Variants in C1QL3 observed in about 807,000 individuals in gnomAD.
C1QL3 encodes complement C1q like 3, also known as complement C1q-like protein 3.
A neutral mutation model predicts 16.6 loss-of-function variants in C1QL3; 4 were observed. The ratio of observed to expected loss-of-function variants is 0.24; its 90% confidence interval spans 0.12 to 0.55. The LOEUF is 0.55. Among genes scored for constraint, C1QL3 ranks in the 20% least tolerant of loss-of-function variants. The pLI is 0.94. For synonymous variants in C1QL3, 189 were observed against 160.2 expected, an observed-to-expected ratio of 1.18 and a Z score of -1.36; for missense variants, 269 against 365.6, an observed-to-expected ratio of 0.74 and a Z score of 2.16.
At chr10:16,519,451 C>T (rs1837004396) in intron 1 of C1QL3, among the ~76,000 whole-genome samples, 1 of 151,970 alleles carries the variant, frequency 6.6e-6, no homozygotes, top group Non-Finnish European at 1.5e-5. Flanking sequence ...TCAGTGGCTA[C>T]TGATTCAGCG....
At position 16,520,059 on chromosome 10, in the gene C1QL3, G is replaced by A. The variant is rs1588642155; in HGVS notation, c.588+419C>T. 2.0e-5 allele frequency among the ~76,000 whole-genome samples: 3 copies of A among 151,842 alleles called. No individual in the cohort carries two copies. On this transcript the variant is annotated intron_variant, in intron 1 of 1. Transcript: ENST00000298943. This position sits in a 1 kb window ranked among gnomAD's most constrained non-coding sequence, Gnocchi z 8.3. The stretch of plus-strand genomic sequence containing the variant: ...ACCCCCGAGTCGGTCACCCTGCCAC[G>A]CCCATTCCGGACTCCCCCAGGCCTC...
chr10:16,517,818 G>C (rs145813448), intron 1 of C1QL3, among the ~76,000 whole-genome samples: 1 of 152,148 alleles, frequency 6.6e-6, no homozygotes, highest in Non-Finnish European at 1.5e-5. Flanking sequence ...TGATGTTCTC[G>C]TAATTTCATT....
Position 16,513,957 on chromosome 10 carries a change from GA to G in C1QL3, c.*570del, listed in dbSNP as rs1836907612. On this transcript the variant is annotated 3_prime_UTR_variant, in exon 2 of 2. Transcript: ENST00000298943. ...AGGCTTGGGAATTCCCTCAAATCCA[GA>G]AAATTCCAGGTTAAGGCTTGAAGTT... The G allele has an allele frequency of 9.8e-6, 2 of 204,308 alleles. No individual in the cohort carries two copies. The highest frequency in any genetic ancestry group is 2.2e-4 in the East Asian group (2 of 9,208). The allele number at this position is 204,308 out of a possible 1,614,324, so 12.7% of individuals were successfully genotyped here.
Position 16,520,940 on chromosome 10 carries a change from G to A in C1QL3, c.126C>T (p.Ser42=). ...CDPYGGTKAP[S]TAATPDRGLM... ...GGCCGCGGTCGGGCGTGGCAGCGGT[G>A]CTGGGCGCCTTGGTGCCCCCGTAGG... is the stretch of plus-strand genomic sequence containing the variant. The change falls in exon 1 of 2, where the codon AGC becomes AGT. Residue 42 remains serine, a synonymous_variant. Coordinates refer to ENST00000298943, the MANE Select transcript of C1QL3 (RefSeq NM_001010908.2). This position sits in a 1 kb window ranked among gnomAD's most constrained non-coding sequence, Gnocchi z 8.3. 1 of 1,571,684 alleles carries A rather than the reference G, an allele frequency of 6.4e-7. No individual in the cohort carries two copies. Among genetic ancestry groups the A allele is most frequent in the Non-Finnish European group, 8.6e-7 (1 of 1,167,262 alleles).
chr10:16,518,437 T>C (rs12217763), intron 1 of C1QL3, among the ~76,000 whole-genome samples: 12,967 of 152,260 alleles, frequency 0.085, 630 homozygotes, highest in East Asian at 0.23. Flanking sequence ...TCAGCTGTTT[T>C]ACCTTACTAT....
intron 1 of C1QL3, among the ~76,000 whole-genome samples, chr10:16,518,691 T>G (rs1836989744): frequency 6.6e-6 from 1 of 152,234 alleles, no homozygotes. Context: ...GATGTGAGCA[T>G]TTTTACACAT....
chr10:16,521,658 A>C lies in C1QL3; in HGVS notation c.-593T>G, dbSNP rs1588642905. 2 of 148,024 alleles carry C rather than the reference A, an allele frequency of 1.4e-5. No individual in the cohort carries two copies. Among genetic ancestry groups the C allele is most frequent in the South Asian group, 2.1e-4 (1 of 4,734 alleles). 9.2% of individuals were successfully genotyped at this position (148,024 alleles called of 1,614,324 possible). ...CTTTCTCTCTTCCTCCTTTGCCACC[A>C]CCACAACTCGAATAGACGCGCACCC... On this transcript the variant is annotated 5_prime_UTR_variant, in exon 1 of 2. Transcript: ENST00000298943.
At chr10:16,515,780 A>G (rs1230826089) in intron 1 of C1QL3, among the ~76,000 whole-genome samples, 1 of 152,190 alleles carries the variant, frequency 6.6e-6, no homozygotes, top group Non-Finnish European at 1.5e-5. Context: ...TCAGTAAAAC[A>G]TCTTCTACTT....
chr10:16,520,560 C>T lies in C1QL3; in HGVS notation c.506G>A (p.Gly169Asp). The T allele has an allele frequency of 1.2e-6, 2 of 1,613,338 alleles. No individual in the cohort carries two copies. Among genetic ancestry groups the T allele is most frequent in the Non-Finnish European group, 1.7e-6 (2 of 1,179,644 alleles). ...GACGTGGTAGGTGAAGAAGTAGATG[C>T]CCGGGATGGAGCAGGTGAACTTGCC... ...TTGKFTCSIP[G>D]IYFFTYHVLM... The change falls in exon 1 of 2, where the codon GGC becomes GAC. Residue 169 changes from glycine to aspartate, a missense_variant. Transcript: ENST00000298943. This position sits in a 1 kb window ranked among gnomAD's most constrained non-coding sequence, Gnocchi z 8.3.
chr10:16,519,139 A>ATTTTTTTTTTTTTTTTTTTT (rs1385047282), intron 1 of C1QL3, among the ~76,000 whole-genome samples: 5 of 26,130 alleles, frequency 1.9e-4, no homozygotes, highest in African/African-American at 3.2e-4. Context: ...CGCATTTAGG[A>ATTTTTTTTTTTTTTTTTTTT]CTTTTTTTTT....
At chr10:16,515,762 G>A (rs1205424998) in intron 1 of C1QL3, among the ~76,000 whole-genome samples, 1 of 152,080 alleles carries the variant, frequency 6.6e-6, no homozygotes, top group Non-Finnish European at 1.5e-5. Flanking sequence ...ACTTAGATTT[G>A]ATTTATTTCA....
chr10:16,517,727 G>C (rs187882157), intron 1 of C1QL3, among the ~76,000 whole-genome samples: 2 of 152,266 alleles, frequency 1.3e-5, no homozygotes, highest in East Asian at 3.9e-4. Flanking sequence ...AGGTTTCATA[G>C]TTTTAGCATT....
intron 1 of C1QL3, among the ~76,000 whole-genome samples, chr10:16,515,059 A>AT (rs1301981482): frequency 2.0e-5 from 3 of 152,032 alleles, no homozygotes; most frequent in Admixed American, 2.0e-4. Flanking sequence ...AACTAATAGT[A>AT]TTTTTTGCAT....
In C1QL3 at chr10:16,521,203, C is replaced by A. The variant is rs1286417566; in HGVS notation, c.-138G>T. The A allele has an allele frequency of 4.2e-6, 3 of 716,494 alleles. No homozygotes were observed. The highest frequency in any genetic ancestry group is 6.8e-6 in the Non-Finnish European group (3 of 444,044). The allele number at this position is 716,494 out of a possible 1,614,324, so 44.4% of individuals were successfully genotyped here. A position where few individuals can be genotyped will look rare whatever the true frequency, so the allele number is the denominator to read the frequency against. Reference sequence around the variant, plus strand: ...GGACCTCTTCAGAGCCGAAAACAACCCCCTGCGAACCCCAACTCCCCTGGG... The same window carrying A: ...GGACCTCTTCAGAGCCGAAAACAACACCCTGCGAACCCCAACTCCCCTGGG... On this transcript the variant is annotated 5_prime_UTR_variant, in exon 1 of 2. Transcript: ENST00000298943.
intron 1 of C1QL3, among the ~76,000 whole-genome samples, chr10:16,517,207 A>G (rs1836965056): frequency 6.6e-6 from 1 of 152,178 alleles, no homozygotes; most frequent in Non-Finnish European, 1.5e-5. Context: ...AATTTACTCT[A>G]ATATCTTTTC....
At position 16,514,139 on chromosome 10, in the gene C1QL3, G is replaced by A; in HGVS notation, c.*389C>T. The A allele has an allele frequency of 2.5e-6, 1 of 397,852 alleles. No homozygotes were observed. The highest frequency in any genetic ancestry group is 4.4e-6 in the Non-Finnish European group (1 of 225,738). 24.6% of individuals were successfully genotyped at this position (397,852 alleles called of 1,614,324 possible). On this transcript the variant is annotated 3_prime_UTR_variant, in exon 2 of 2. Coordinates refer to ENST00000298943, the MANE Select transcript of C1QL3 (RefSeq NM_001010908.2). ...GGACTCCAAGTATCATAATAAGCAG[G>A]TAAACTCACAAGAACCAAAGCTGAC...
Position 16,514,162 on chromosome 10 carries a change from G to A in C1QL3, c.*366C>T. On this transcript the variant is annotated 3_prime_UTR_variant, in exon 2 of 2. Coordinates refer to ENST00000298943, the MANE Select transcript of C1QL3 (RefSeq NM_001010908.2). ...AGGTAAACTCACAAGAACCAAAGCT[G>A]ACATATGGATAAAAGCAGCAAGATC... 2.5e-6 allele frequency: 1 copy of A among 398,848 alleles called. No individual in the cohort carries two copies. The allele number at this position is 398,848 out of a possible 1,614,324, so 24.7% of individuals were successfully genotyped here.
intron 1 of C1QL3, among the ~76,000 whole-genome samples, chr10:16,519,333 T>C (rs940337905): frequency 2.0e-5 from 3 of 151,542 alleles, no homozygotes; most frequent in Admixed American, 2.0e-4. Flanking sequence ...AGGAGGTCTC[T>C]TGATGGCGAT....
intron 1 of C1QL3, among the ~76,000 whole-genome samples, chr10:16,519,838 C>T (rs1421019796): frequency 2.0e-5 from 3 of 152,310 alleles, no homozygotes; most frequent in African/African-American, 7.2e-5. Context: ...CTCCTTGCCT[C>T]TCCCCTCCGC....
Sources: gnomAD v4.1 joint callset for allele counts (sites outside exome capture counted in the v4.1 genomes callset) on GRCh38, gnomAD v4.1.1 for gene constraint, Gnocchi (gnomAD v3.1) non-coding constraint, MANE v1.5 for transcripts, NCBI Gene and HGNC (gene_info 2026-07-23, HGNC 2026-07-21) for gene names.